ASAP1: variants seen among roughly 807,000 people sequenced by gnomAD.
ASAP1 encodes the protein ArfGAP with SH3 domain, ankyrin repeat and PH domain 1.
Under a neutral mutation model 145.2 loss-of-function variants are expected in ASAP1, and 43 were observed. The observed-to-expected ratio is 0.30, with a 90% CI of 0.23 to 0.38. The LOEUF is 0.38. Among genes scored for constraint, ASAP1 ranks in the 10% least tolerant of loss-of-function variants. The pLI is 1.00. For synonymous variants in ASAP1, 546 were observed against 515.5 expected (o/e 1.06, Z -0.80); for missense variants, 1,018 against 1,355.3 (o/e 0.75, Z 3.91).
intron 25 of ASAP1, among the ~76,000 whole-genome samples, chr8:130,081,796 T>C (rs1475658990): frequency 6.6e-6 from 1 of 152,182 alleles, no homozygotes; most frequent in Non-Finnish European, 1.5e-5. Context: ...ATCAATGTGC[T>C]CTTCATTACC....
intron 27 of ASAP1, chr8:130,069,579 A>G (rs1271425879): frequency 6.6e-6 from 1 of 152,248 alleles, no homozygotes; most frequent in African/African-American, 2.4e-5. Context: ...ATAACGTGTC[A>G]TTCATGAGCA....
chr8:130,123,250 A>T (rs1315829371), intron 18 of ASAP1, among the ~76,000 whole-genome samples: 4 of 152,162 alleles, frequency 2.6e-5, no homozygotes, highest in Admixed American at 1.3e-4. Flanking sequence ...AAATATGGTT[A>T]ATTTGTTTTT....
chr8:130,360,858 A>G (rs1253159271), intron 2 of ASAP1: 1 of 152,280 alleles, frequency 6.6e-6, no homozygotes, highest in East Asian at 1.9e-4. Context: ...GCTACCCAGG[A>G]GAAAATCCTA....
intron 3 of ASAP1, among the ~76,000 whole-genome samples, chr8:130,348,000 C>A (rs964427711): frequency 2.0e-5 from 3 of 152,166 alleles, no homozygotes; most frequent in African/African-American, 7.2e-5. Context: ...CCTCAGCTTC[C>A]TCATCCATAA....
In ASAP1 at chr8:130,168,993, T is replaced by G; in HGVS notation, c.821A>C (p.Asn274Thr). ...GCATGTATTTTATAAAGAACTTACA[T>G]TATATAAATCAGCAGCCAGTTTTTC... ...YIEKLAADLYNIKQTQDEEKK... is the reference protein window; with the variant it reads ...YIEKLAADLYTIKQTQDEEKK... The change falls in exon 10 of 30, where the codon AAT (asparagine) becomes ACT (threonine). Residue 274 changes from asparagine (N) to threonine (T), a missense_variant and splice_region_variant. Asn to Thr is a moderately conservative substitution (Grantham distance 65, BLOSUM62 0). This residue lies in a region of ASAP1 where 62 missense variants were observed against 68.5 expected (regional missense o/e 0.90). Transcript: ENST00000518721. 6.4e-7 allele frequency: 1 copy of G among 1,556,354 alleles called. No homozygotes were observed. Among genetic ancestry groups the G allele is most frequent in the Non-Finnish European group, 8.7e-7 (1 of 1,150,286 alleles).
At chr8:130,143,806 T>C (rs906681133) in intron 13 of ASAP1, among the ~76,000 whole-genome samples, 2 of 152,228 alleles carry the variant, frequency 1.3e-5, no homozygotes, top group African/African-American at 4.8e-5. Flanking sequence ...TCCAGTGTTT[T>C]TGCTGGAAGT....
intron 15 of ASAP1, among the ~76,000 whole-genome samples, chr8:130,131,820 G>C (rs1021878827): frequency 2.0e-5 from 3 of 152,046 alleles, no homozygotes; most frequent in Admixed American, 6.6e-5. Context: ...AAACTGCAAA[G>C]TGCAAAATGC....
chr8:130,358,108 G>T lies in ASAP1; in HGVS notation c.95C>A (p.Ala32Asp). The stretch of plus-strand genomic sequence containing the variant: ...CGAGTTGTAGTCCTCGGTGGTCTCG[G>T]CGATGAACTCCGAGACAGAGATCTG... ...PDQISVSEFIAETTEDYNSPT... is the reference protein window; with the variant it reads ...PDQISVSEFIDETTEDYNSPT... Residue 32 changes from alanine to aspartate, a missense_variant, in exon 3 of 30, where the codon GCC becomes GAC. Ala to Asp is a moderately radical substitution (Grantham distance 126, BLOSUM62 -2). Around this residue, in one of 9 missense-constraint regions of ASAP1, gnomAD observed 106 missense variants for 134.5 expected, o/e 0.79. Transcript: ENST00000518721. The surrounding 1 kb of genome is among the most constrained non-coding windows in gnomAD (Gnocchi z 4.1). The T allele has an allele frequency of 6.2e-7, 1 of 1,609,622 alleles. No individual in the cohort carries two copies.
chr8:130,364,052 G>GTAA (rs1177508033), intron 2 of ASAP1, among the ~76,000 whole-genome samples: 1 of 151,848 alleles, frequency 6.6e-6, no homozygotes, highest in Non-Finnish European at 1.5e-5. Flanking sequence ...GCAATTTCAG[G>GTAA]TAATAATAAT....
chr8:130,176,691 T>G (rs1171361685), intron 9 of ASAP1, among the ~76,000 whole-genome samples: 1 of 151,002 alleles, frequency 6.6e-6, no homozygotes, highest in Admixed American at 6.6e-5. Flanking sequence ...TCTTCCTGTT[T>G]TTTTTTTTTT....
intron 2 of ASAP1, among the ~76,000 whole-genome samples, chr8:130,396,366 A>G (rs1828530151): frequency 6.6e-6 from 1 of 152,182 alleles, no homozygotes; most frequent in East Asian, 1.9e-4. Context: ...TAAATTTTAA[A>G]GGCAGGGAGG....
chr8:130,270,499 T>G (rs1423984808), intron 3 of ASAP1, among the ~76,000 whole-genome samples: 1 of 152,244 alleles, frequency 6.6e-6, no homozygotes, highest in Non-Finnish European at 1.5e-5. Context: ...ATAACCAGTG[T>G]AGAGACAAGT....
chr8:130,283,636 AAAG>A (rs1821408961), intron 3 of ASAP1, among the ~76,000 whole-genome samples: 1 of 151,228 alleles, frequency 6.6e-6, no homozygotes, highest in East Asian at 1.9e-4. Context: ...GCAGACAGCT[AAAG>A]AAGGCCAAAC....
At chr8:130,195,910 T>C (rs903870046) in intron 5 of ASAP1, among the ~76,000 whole-genome samples, 3 of 152,258 alleles carry the variant, frequency 2.0e-5, no homozygotes, top group East Asian at 1.9e-4. Flanking sequence ...AATGTCTTTA[T>C]GCTTTACCAC....
intron 5 of ASAP1, among the ~76,000 whole-genome samples, chr8:130,204,922 C>T (rs41400845): frequency 0.02 from 3,066 of 152,244 alleles, 101 homozygotes; most frequent in African/African-American, 0.068. Context: ...TAAAGACAAG[C>T]TCCTGTTATC....
At chr8:130,329,515 C>A (rs1411524826) in intron 3 of ASAP1, among the ~76,000 whole-genome samples, 1 of 152,176 alleles carries the variant, frequency 6.6e-6, no homozygotes, top group Admixed American at 6.5e-5. Context: ...TATAGTCCTA[C>A]AGACGTAGAA....
chr8:130,094,386 A>G (rs2135439644), intron 24 of ASAP1, among the ~76,000 whole-genome samples: 1 of 152,114 alleles, frequency 6.6e-6, no homozygotes, highest in Middle Eastern at 3.4e-3. Context: ...AATTTTTAAA[A>G]ATTTTTAAAT....
intron 3 of ASAP1, among the ~76,000 whole-genome samples, chr8:130,262,406 AAAAAAAAAAAAGAGAG>A (rs1819959610): frequency 8.7e-6 from 1 of 114,868 alleles, no homozygotes; most frequent in African/African-American, 3.6e-5. Flanking sequence ...AAAAAAAAAA[AAAAAAAAAAAAGAGAG>A]AGAGAGAGAG....
chr8:130,133,830 C>T (rs1425043707), intron 15 of ASAP1, among the ~76,000 whole-genome samples: 3 of 152,224 alleles, frequency 2.0e-5, no homozygotes, highest in Non-Finnish European at 4.4e-5. Flanking sequence ...CCTGGCTCAC[C>T]TGCTCCTCTT....
Sources: gnomAD v4.1 joint callset for allele counts (sites outside exome capture counted in the v4.1 genomes callset) on GRCh38, gnomAD v4.1.1 for gene constraint, gnomAD v4.1.1 regional missense constraint, Gnocchi (gnomAD v3.1) non-coding constraint, MANE v1.5 for transcripts, NCBI Gene and HGNC (gene_info 2026-07-23, HGNC 2026-07-21) for gene names.